The following TENM1 variants were observed in gnomAD, a reference collection of about 807,000 sequenced individuals.
TENM1 encodes the protein teneurin transmembrane protein 1.
In TENM1, 35 loss-of-function variants were observed where a neutral mutation model predicts 174.8. The ratio of observed to expected loss-of-function variants is 0.20; its 90% confidence interval spans 0.15 to 0.27. The LOEUF (loss-of-function observed/expected upper bound fraction) is 0.27, where lower values mean the gene tolerates loss of function less well. Ranked by LOEUF, TENM1 falls within the 10% of genes least tolerant of loss-of-function variation. TENM1 has a pLI of 1.00. For synonymous variants in TENM1, 781 were observed against 798.7 expected (o/e 0.98, Z 0.37); for missense variants, 1,633 against 2,130.1 (o/e 0.77, Z 4.59).
intron 14 of TENM1, among the ~76,000 whole-genome samples, 200 bp downstream of exon 17, chrX:124,561,471 T>C (rs1033286605): frequency 3.6e-5 from 4 of 111,281 alleles, no homozygotes; most frequent in Non-Finnish European, 7.6e-5. Context: ...CAAAAAAAAT[T>C]GGAGTACTGC....
chrX:124,782,122 G>A (rs746492048), intron 3 of TENM1, among the ~76,000 whole-genome samples: 4 of 111,411 alleles, frequency 3.6e-5, no homozygotes, highest in Admixed American at 9.6e-5. Flanking sequence ...AGACAGTGGC[G>A]CTACAAGGAT....
the TENM1 span, among the ~76,000 whole-genome samples, chrX:125,008,902 T>G: frequency 1.8e-5 from 2 of 111,440 alleles, no homozygotes; most frequent in African/African-American, 3.3e-5. Context: ...GGGAAAGTTA[T>G]AGCACTAAAG....
chrX:125,169,242 C>T, the TENM1 span, among the ~76,000 whole-genome samples: 151 of 111,525 alleles, frequency 1.4e-3, no homozygotes, highest in Non-Finnish European at 2.4e-3. Flanking sequence ...TGTTTTGTCA[C>T]GTATTTGTCA....
the TENM1 span, among the ~76,000 whole-genome samples, chrX:124,988,517 AT>A: frequency 9.0e-6 from 1 of 111,547 alleles, no homozygotes; most frequent in African/African-American, 3.3e-5. Flanking sequence ...GTTTCAGAAA[AT>A]AACGGAGAAG....
intron 1 of TENM1, among the ~76,000 whole-genome samples, chrX:124,904,306 C>T (rs1041805765): frequency 1.3e-4 from 15 of 111,630 alleles, no homozygotes; most frequent in African/African-American, 3.9e-4. Context: ...ACAGAGTCAG[C>T]GTCCATCATC....
chrX:124,947,870 GA>G (rs1293756371), intron 1 of TENM1, among the ~76,000 whole-genome samples: 4 of 111,351 alleles, frequency 3.6e-5, no homozygotes, highest in Non-Finnish European at 7.6e-5. Flanking sequence ...TTTCAAGGAA[GA>G]AAAAAAATCC....
the TENM1 span, among the ~76,000 whole-genome samples, chrX:125,163,794 T>C: frequency 8.9e-6 from 1 of 112,000 alleles, no homozygotes; most frequent in Non-Finnish European, 1.9e-5. Context: ...TAATAAAATA[T>C]ACTATGTGTG....
intron 3 of TENM1, among the ~76,000 whole-genome samples, chrX:124,754,642 T>C (rs1410102878): frequency 9.0e-6 from 1 of 110,649 alleles, no homozygotes; most frequent in African/African-American, 3.3e-5. Context: ...TAAATTTCCG[T>C]CTACACACTG....
At chrX:125,161,577 C>G in the TENM1 span, among the ~76,000 whole-genome samples, 5 of 111,397 alleles carry the variant, frequency 4.5e-5, no homozygotes, top group South Asian at 1.1e-3. Context: ...ATGAAATATC[C>G]AGACTGGGAA....
At chrX:124,969,753 A>C in the TENM1 span, among the ~76,000 whole-genome samples, 1 of 108,477 alleles carries the variant, frequency 9.2e-6, no homozygotes, top group Admixed American at 9.9e-5. Context: ...ACTCTTAACC[A>C]CTCGTCTACA....
intron 28 of TENM1, among the ~76,000 whole-genome samples, chrX:124,391,088 G>C (rs1244331148): frequency 9.0e-6 from 1 of 111,163 alleles, no homozygotes; most frequent in African/African-American, 3.3e-5. Flanking sequence ...ATAACCACTG[G>C]CACACTATTT....
At chrX:125,003,178 A>C in the TENM1 span, among the ~76,000 whole-genome samples, 1 of 111,415 alleles carries the variant, frequency 9.0e-6, no homozygotes, top group Non-Finnish European at 1.9e-5. Flanking sequence ...GGGACTAGAG[A>C]AGTAGGAAAA....
the TENM1 span, among the ~76,000 whole-genome samples, chrX:125,111,450 G>A: frequency 9.0e-6 from 1 of 110,911 alleles, no homozygotes; most frequent in Non-Finnish European, 1.9e-5. Context: ...GAGTGACCAG[G>A]GTTATTTCAA....
intron 15 of TENM1, among the ~76,000 whole-genome samples, chrX:124,537,264 A>G (rs2048224944): frequency 9.0e-6 from 1 of 111,494 alleles, no homozygotes; most frequent in Non-Finnish European, 1.9e-5. Flanking sequence ...ATTGCTATGT[A>G]CCCTGATAAT....
chrX:124,872,125 G>C (rs1249732826), intron 3 of TENM1, among the ~76,000 whole-genome samples: 4 of 109,402 alleles, frequency 3.7e-5, no homozygotes, highest in African/African-American at 1.3e-4. Flanking sequence ...GAGAGAGCAT[G>C]ATATCCTGTA....
intron 1 of TENM1, among the ~76,000 whole-genome samples, chrX:124,920,294 G>C (rs1461940494): frequency 9.0e-6 from 1 of 111,004 alleles, no homozygotes; most frequent in Admixed American, 9.6e-5. Flanking sequence ...GTAATGTTTT[G>C]CAATTTTCCT....
chrX:124,422,647 C>T lies in TENM1; in HGVS notation c.4105-9G>A, dbSNP rs376202433. The T allele has an allele frequency of 3.5e-5, 42 of 1,199,500 alleles. No homozygotes were observed. The Admixed American group carries it at 4.0e-4, about 11-fold the overall frequency. On this transcript the variant is annotated splice_polypyrimidine_tract_variant and intron_variant, in intron 23 of 31. Transcript: ENST00000422452. ...GGCCACTCTAATCGCACCTGTGAAA[C>T]GAACAGAACACATACCATTAGGTTA...
At position 124,425,147 on chromosome X, in the gene TENM1, G is replaced by A. The variant is rs777937790; in HGVS notation, c.4105-2509C>T. ...CATTTTCTTTATCCATTCATCTGTCGATAGACACTTAGGTTGAGTTCATGT... is the reference window on the plus strand; with the variant it reads ...CATTTTCTTTATCCATTCATCTGTCAATAGACACTTAGGTTGAGTTCATGT... On this transcript the variant is annotated intron_variant, in intron 23 of 31. Coordinates refer to ENST00000422452, the Ensembl canonical transcript of TENM1. Among the ~76,000 whole-genome samples the A allele has an allele frequency of 3.8e-4, 43 of 111,834 alleles. No homozygotes were observed. The South Asian group carries it at 0.014, about 35-fold the overall frequency.
At chrX:124,886,374 T>G (rs182244468) in intron 3 of TENM1, among the ~76,000 whole-genome samples, 160 of 110,075 alleles carry the variant, frequency 1.5e-3, no homozygotes, top group African/African-American at 4.7e-3. Context: ...TATATCCATA[T>G]GTATGTATTA....
Sources: allele counts gnomAD v4.1 joint callset (sites outside exome capture counted in the v4.1 genomes callset), GRCh38; gene constraint gnomAD v4.1.1; transcripts MANE v1.5; gene names NCBI Gene and HGNC (gene_info 2026-07-23, HGNC 2026-07-21).